Variants in ZNF469 observed in about 807,000 individuals in gnomAD.
The protein encoded by ZNF469 is zinc finger protein 469.
In ZNF469, 1 loss-of-function variant was observed where a neutral mutation model predicts 1.0. That is an observed-to-expected ratio of 1.00 (90% CI 0.35 to 4.73). ZNF469 has a LOEUF of 4.73. ZNF469 is among the 30% of genes most tolerant of loss of function. The probability of loss-of-function intolerance (pLI) is 0.16; values close to 1 mark genes in which losing one functional copy is unlikely to be tolerated. For missense variants in ZNF469, 6,100 were observed against 5,356.3 expected (o/e 1.14, Z -4.33); for synonymous variants, 2,703 against 2,363.4 (o/e 1.14, Z -4.17).
chr16:88,388,224 C>G, intron 1 of ZNF469, among the ~76,000 whole-genome samples: 1 of 152,254 alleles, frequency 6.6e-6, no homozygotes, highest in African/African-American at 2.4e-5. Flanking sequence ...CCTAACACTC[C>G]CCACCCTCAA....
At chr16:88,212,757 T>A in the ZNF469 span, among the ~76,000 whole-genome samples, 1 of 151,858 alleles carries the variant, frequency 6.6e-6, no homozygotes, top group Non-Finnish European at 1.5e-5. Context: ...ATTTTTGTAA[T>A]TTTTTTTGTA....
the ZNF469 span, among the ~76,000 whole-genome samples, chr16:88,224,355 G>T: frequency 6.6e-6 from 1 of 152,250 alleles, no homozygotes; most frequent in Non-Finnish European, 1.5e-5. Flanking sequence ...CCCGCAGGTG[G>T]TGAGTGATTT....
the ZNF469 span, among the ~76,000 whole-genome samples, chr16:88,188,790 G>A: frequency 6.6e-6 from 1 of 152,222 alleles, no homozygotes; most frequent in Non-Finnish European, 1.5e-5. Context: ...CACTGCACGA[G>A]AATCTACATG....
the ZNF469 span, among the ~76,000 whole-genome samples, chr16:88,208,316 C>T: frequency 1.3e-5 from 2 of 151,020 alleles, no homozygotes; most frequent in Non-Finnish European, 2.9e-5. Flanking sequence ...TTCCCTGTCA[C>T]GTGCCGCAAT....
At chr16:88,176,628 T>C in the ZNF469 span, among the ~76,000 whole-genome samples, 2 of 151,424 alleles carry the variant, frequency 1.3e-5, no homozygotes, top group East Asian at 3.9e-4. Context: ...CTAAGAAATA[T>C]GAAAAAAAAA....
At chr16:88,310,568 T>A in the ZNF469 span, among the ~76,000 whole-genome samples, 1,026 of 151,982 alleles carry the variant, frequency 6.8e-3, 10 homozygotes, top group Middle Eastern at 0.027. Flanking sequence ...ATTTTATTTT[T>A]TTTTTTTTAT....
chr16:88,366,152 TCATCATCACCATCATCACCAC>T, the ZNF469 span, among the ~76,000 whole-genome samples: 473 of 128,294 alleles, frequency 3.7e-3, 12 homozygotes, highest in South Asian at 0.016. Flanking sequence ...ATCATCACCA[TCATCATCACCATCATCACCAC>T]GATCATCATC....
chr16:88,261,191 G>C, the ZNF469 span, among the ~76,000 whole-genome samples: 2 of 152,246 alleles, frequency 1.3e-5, no homozygotes, highest in Non-Finnish European at 2.9e-5. This position sits in a 1 kb window ranked among gnomAD's most constrained non-coding sequence, Gnocchi z 6.0. Context: ...CTCAGCTGCT[G>C]ATGCGGGTGG....
In ZNF469 at chr16:88,434,289, G is replaced by C; in HGVS notation, c.6819G>C (p.Leu2273=). The C allele has an allele frequency of 1.3e-6, 2 of 1,550,360 alleles. No homozygotes were observed. The highest frequency in any genetic ancestry group is 1.7e-6 in the Non-Finnish European group (2 of 1,146,966). ...ESPGRATSPP[L]AGAVSPSVAV... ...CTGGCCGAGCCACCTCTCCTCCTCT[G>C]GCAGGGGCCGTCTCCCCCAGCGTGG... Residue 2273 remains leucine (L), a synonymous_variant, in exon 3 of 3, where the codon CTG becomes CTC. Transcript: ENST00000565624.
chr16:88,322,868 A>G, the ZNF469 span, among the ~76,000 whole-genome samples: 1 of 152,102 alleles, frequency 6.6e-6, no homozygotes. Context: ...AGCCCAGGAG[A>G]CTTTGGGCAG....
chr16:88,374,723 C>T, the ZNF469 span, among the ~76,000 whole-genome samples: 9 of 152,282 alleles, frequency 5.9e-5, no homozygotes, highest in Admixed American at 2.0e-4. Context: ...GCACCATGTG[C>T]GGTGGGCTGA....
the ZNF469 span, among the ~76,000 whole-genome samples, chr16:88,339,713 G>T: frequency 1.1e-5 from 1 of 91,528 alleles, no homozygotes; most frequent in South Asian, 5.3e-4. Flanking sequence ...GGGGGACATG[G>T]CAAGGGGATG....
chr16:88,203,819 C>T, the ZNF469 span, among the ~76,000 whole-genome samples: 1 of 152,288 alleles, frequency 6.6e-6, no homozygotes, highest in Non-Finnish European at 1.5e-5. Context: ...CCAGCGCAAC[C>T]TCATCTTGAC....
the ZNF469 span, among the ~76,000 whole-genome samples, chr16:88,242,973 C>T: frequency 6.6e-6 from 1 of 152,232 alleles, no homozygotes; most frequent in East Asian, 1.9e-4. Context: ...TGACTCAGCT[C>T]ACCGAACCCC....
chr16:88,421,328 G>A (rs1905450909), intron 1 of ZNF469, among the ~76,000 whole-genome samples: 1 of 152,196 alleles, frequency 6.6e-6, no homozygotes, highest in African/African-American at 2.4e-5. Context: ...GTGCTCCTCC[G>A]GGGTCTCCCT....
At chr16:88,196,827 C>A in the ZNF469 span, among the ~76,000 whole-genome samples, 1 of 152,142 alleles carries the variant, frequency 6.6e-6, no homozygotes. Flanking sequence ...CTGTTTTGTC[C>A]GATGCCAAAG....
At chr16:88,421,029 G>T (rs1187474801) in intron 1 of ZNF469, among the ~76,000 whole-genome samples, 2 of 152,236 alleles carry the variant, frequency 1.3e-5, no homozygotes, top group Non-Finnish European at 2.9e-5. Context: ...AAGGGCCAGG[G>T]GTGGGACCAG....
the ZNF469 span, among the ~76,000 whole-genome samples, chr16:88,323,314 C>T: frequency 5.3e-5 from 8 of 152,182 alleles, no homozygotes; most frequent in Non-Finnish European, 1.0e-4. Context: ...CCTCGCAGGC[C>T]GCTCAGTGGA....
At chr16:88,329,272 A>G in the ZNF469 span, among the ~76,000 whole-genome samples, 1 of 152,208 alleles carries the variant, frequency 6.6e-6, no homozygotes, top group African/African-American at 2.4e-5. Flanking sequence ...CTGCTTCTTC[A>G]TCTTCTGAGA....
Sources: gnomAD v4.1 joint callset for allele counts (sites outside exome capture counted in the v4.1 genomes callset) on GRCh38, gnomAD v4.1.1 for gene constraint, Gnocchi (gnomAD v3.1) non-coding constraint, MANE v1.5 for transcripts, NCBI Gene and HGNC (gene_info 2026-07-23, HGNC 2026-07-21) for gene names.